The following NPAS2 variants were observed in gnomAD, a reference collection of about 807,000 sequenced individuals.
NPAS2 encodes neuronal PAS domain protein 2, also known as neuronal PAS domain-containing protein 2.
Under a neutral mutation model 107.5 loss-of-function variants are expected in NPAS2, and 23 were observed. That is an observed-to-expected ratio of 0.21 (90% confidence interval 0.15 to 0.30). The LOEUF is 0.30. Ranked by LOEUF, NPAS2 falls within the 10% of genes least tolerant of loss-of-function variation. The pLI is 1.00. For missense variants in NPAS2, 756 were observed against 1,043.3 expected, an observed-to-expected ratio of 0.72 and a Z score of 3.79; for synonymous variants, 403 against 417.5, an observed-to-expected ratio of 0.97 and a Z score of 0.42.
intron 7 of NPAS2, among the ~76,000 whole-genome samples, chr2:100,959,167 G>A (rs1675774489): frequency 6.6e-6 from 1 of 151,832 alleles, no homozygotes; most frequent in Admixed American, 6.6e-5. Flanking sequence ...CTGCTTAGGA[G>A]GCTGAGGTGG....
Position 100,867,293 on chromosome 2 carries a change from G to C in NPAS2, c.-22-37440G>C, listed in dbSNP as rs184144919. On this transcript the variant is annotated intron_variant, in intron 1 of 20. Transcript: ENST00000335681. ...ATGTCAGAAATTTATGACTATGATAGAGTTGTCAGTTTTTCTTTGAGGTAT... is the reference window on the plus strand; with the variant it reads ...ATGTCAGAAATTTATGACTATGATACAGTTGTCAGTTTTTCTTTGAGGTAT... Among the ~76,000 whole-genome samples the C allele has an allele frequency of 2.3e-3, 349 of 152,274 alleles. 3 individuals are homozygous for C. The highest frequency in any genetic ancestry group is 8.2e-3 in the African/African-American group (342 of 41,568).
rs200492145 is a variant in NPAS2 at position 100,990,335 on chromosome 2, G to A, written c.1907G>A (p.Ser636Asn). The change falls in exon 18 of 21, where the codon AGC becomes AAC. Residue 636 changes from serine to asparagine, a missense_variant. Physicochemically the swap from Ser to Asn is conservative, Grantham distance 46. Transcript: ENST00000335681. ...SGSSLVSPFSSATAALPPSLN... is the reference protein window; with the variant it reads ...SGSSLVSPFSNATAALPPSLN... ...AGCAGCCTAGTGTCCCCGTTCAGCA[G>A]CGCCACAGCTGCGCTCCCGCCAAGT... 5.6e-6 allele frequency: 9 copies of A among 1,614,152 alleles called. No individual in the cohort carries two copies. The East Asian group carries it at 1.6e-4, about 28-fold the overall frequency.
At chr2:100,964,219 T>G in intron 8 of NPAS2, 43 bp downstream of exon 8, 1 of 1,231,786 alleles carries the variant, frequency 8.1e-7, no homozygotes, top group Non-Finnish European at 1.2e-6. Flanking sequence ...GCTGTTATGA[T>G]TGACTCACAT....
intron 2 of NPAS2, among the ~76,000 whole-genome samples, chr2:100,921,670 T>C (rs1450016608): frequency 6.6e-6 from 1 of 152,160 alleles, no homozygotes; most frequent in Non-Finnish European, 1.5e-5. Context: ...TGTAAAAAGA[T>C]GTTCGACATT....
chr2:100,982,603 A>G (rs1370424342), intron 16 of NPAS2: 7 of 575,276 alleles, frequency 1.2e-5, no homozygotes, highest in Non-Finnish European at 2.2e-5. Flanking sequence ...CTCGCCCCTC[A>G]CTCTGACAGG....
At chr2:100,931,483 CTTTT>C (rs10709889) in intron 3 of NPAS2, among the ~76,000 whole-genome samples, 5 of 81,318 alleles carry the variant, frequency 6.1e-5, no homozygotes, top group Admixed American at 2.4e-4. Context: ...TAACTCAGCT[CTTTT>C]TTTTTTTTTT....
At chr2:100,849,314 C>A (rs547105560) in intron 1 of NPAS2, among the ~76,000 whole-genome samples, 1 of 152,160 alleles carries the variant, frequency 6.6e-6, no homozygotes, top group Non-Finnish European at 1.5e-5. Context: ...TAAACGGTCA[C>A]CTCCCTGCCT....
chr2:100,887,005 T>C (rs1288155590), intron 1 of NPAS2, among the ~76,000 whole-genome samples: 1 of 152,186 alleles, frequency 6.6e-6, no homozygotes, highest in South Asian at 2.1e-4. Flanking sequence ...AGGGGAAAAA[T>C]GTCCAGCATT....
chr2:100,901,436 A>C, intron 1 of NPAS2: 1 of 777,668 alleles, frequency 1.3e-6, no homozygotes, highest in South Asian at 5.8e-5. Context: ...AAAGCTTAAA[A>C]AGACTCCGGA....
intron 1 of NPAS2, among the ~76,000 whole-genome samples, chr2:100,853,988 A>C (rs1391640701): frequency 1.3e-5 from 2 of 151,448 alleles, no homozygotes; most frequent in Admixed American, 6.6e-5. Flanking sequence ...AAAAAAAAAA[A>C]AAACACAAAA....
intron 1 of NPAS2, among the ~76,000 whole-genome samples, chr2:100,874,922 A>G (rs1387915351): frequency 2.6e-4 from 40 of 152,122 alleles, no homozygotes; most frequent in Admixed American, 2.6e-3. Flanking sequence ...AAGGAGACGG[A>G]TGGGCCCCGG....
chr2:100,862,394 A>T (rs1368401555), intron 1 of NPAS2, among the ~76,000 whole-genome samples: 2 of 152,170 alleles, frequency 1.3e-5, no homozygotes, highest in Non-Finnish European at 2.9e-5. Flanking sequence ...GCTGATATTC[A>T]TCGGGCTGTA....
At chr2:100,986,140 T>A (rs1023560887) in intron 16 of NPAS2, 1 of 152,112 alleles carries the variant, frequency 6.6e-6, no homozygotes, top group African/African-American at 2.4e-5. Flanking sequence ...CTTCTTAATT[T>A]CTAAAGTGAC....
intron 16 of NPAS2, chr2:100,986,683 C>T (rs1677798324): frequency 6.6e-6 from 1 of 152,208 alleles, no homozygotes; most frequent in African/African-American, 2.4e-5. Flanking sequence ...TTTCTTAAAA[C>T]TTTAGAGTCA....
chr2:100,910,065 C>G (rs921312638), intron 2 of NPAS2, among the ~76,000 whole-genome samples: 1 of 152,080 alleles, frequency 6.6e-6, no homozygotes, highest in African/African-American at 2.4e-5. Context: ...TCAAGGAGAT[C>G]CAGAACCTCT....
intron 1 of NPAS2, among the ~76,000 whole-genome samples, chr2:100,894,695 C>T (rs1345171313): frequency 1.3e-5 from 2 of 151,348 alleles, no homozygotes; most frequent in African/African-American, 2.4e-5. Flanking sequence ...GGGAGAGCAA[C>T]ATGAAAAAAA....
intron 1 of NPAS2, among the ~76,000 whole-genome samples, chr2:100,865,064 T>G (rs1474286615): frequency 1.3e-5 from 2 of 152,170 alleles, no homozygotes; most frequent in Non-Finnish European, 2.9e-5. Context: ...ACTGTACATT[T>G]GTGAGAAAAT....
Position 100,840,268 on chromosome 2 carries a change from C to T in NPAS2, c.-23+19854C>T, listed in dbSNP as rs974795121. On this transcript the variant is annotated intron_variant, in intron 1 of 20. Coordinates refer to ENST00000335681, the MANE Select transcript of NPAS2 (RefSeq NM_002518.4). Reference sequence around the variant, plus strand: ...GTTACATGGCAGTATCTAAATTTTACAGTTCCAAGGTTACCGGTGTGGCTC... The same window carrying T: ...GTTACATGGCAGTATCTAAATTTTATAGTTCCAAGGTTACCGGTGTGGCTC... 2.0e-5 allele frequency among the ~76,000 whole-genome samples: 3 copies of T among 152,296 alleles called. No individual in the cohort carries two copies. In the South Asian group the frequency reaches 6.2e-4, roughly 32 times the overall value.
chr2:100,963,390 G>GTTTGTTTTGT lies in NPAS2; in HGVS notation c.599-645_599-636dup, dbSNP rs552393797. 3.3e-3 allele frequency among the ~76,000 whole-genome samples: 489 copies of GTTTGTTTTGT among 149,112 alleles called. 6 individuals are homozygous for GTTTGTTTTGT. The highest frequency in any genetic ancestry group is 0.032 in the East Asian group (167 of 5,162). On this transcript the variant is annotated intron_variant, in intron 7 of 20. Coordinates refer to ENST00000335681, the MANE Select transcript of NPAS2 (RefSeq NM_002518.4). The stretch of plus-strand genomic sequence containing the variant: ...AATGAGGCTGTCTTCTCTTTTTTTT[G>GTTTGTTTTGT]TTTGTTTTGTTTTGTTTTGTTTTGT...
Sources: allele counts gnomAD v4.1 joint callset (sites outside exome capture counted in the v4.1 genomes callset), GRCh38; gene constraint gnomAD v4.1.1; transcripts MANE v1.5; gene names NCBI Gene and HGNC (gene_info 2026-07-23, HGNC 2026-07-21).